Variants in DDX51 observed in about 807,000 individuals in gnomAD.
The protein encoded by DDX51 is ATP-dependent RNA helicase DDX51.
DDX51 carries 67 observed loss-of-function variants against 74.6 expected under a neutral mutation model. The ratio of observed to expected loss-of-function variants is 0.90; its 90% CI spans 0.74 to 1.10. The LOEUF (loss-of-function observed/expected upper bound fraction) is 1.10, where lower values mean the gene tolerates loss of function less well. Ranked by LOEUF, DDX51 falls within the 50% of genes least tolerant of loss-of-function variation. DDX51 has a pLI of 0.00. For missense variants in DDX51, 1,056 were observed against 905.2 expected (o/e 1.17, Z -2.14); for synonymous variants, 545 against 402.9 (o/e 1.35, Z -4.22).
chr12:132,140,049 G>A lies in DDX51; in HGVS notation c.1775+49C>T, dbSNP rs1265133716. 16 of 1,606,456 alleles carry A rather than the reference G, an allele frequency of 1.0e-5. No homozygotes were observed. The East Asian group carries it at 3.6e-4, about 36-fold the overall frequency. On this transcript the variant is annotated intron_variant, in intron 12 of 14. Coordinates refer to ENST00000397333, the MANE Select transcript of DDX51 (RefSeq NM_175066.4). ...AAGACGGTCCCACATCAACGCCCAG[G>A]AGCTCACAAAGCCCCAGACCCCCCA...
chr12:132,140,761 TGGA>T, intron 9 of DDX51, 26 bp from the exon 10 acceptor site: 1 of 1,612,456 alleles, frequency 6.2e-7, no homozygotes, highest in Non-Finnish European at 8.5e-7. Flanking sequence ...GGGGTCGGGG[TGGA>T]GGTGAGGGTT....
chr12:132,143,251 G>C (rs992052801), intron 2 of DDX51: 6 of 401,954 alleles, frequency 1.5e-5, no homozygotes, highest in African/African-American at 1.2e-4. Context: ...AACTCAAAGA[G>C]AACCTCCTCC....
intron 3 of DDX51, 58 bp downstream of exon 3, chr12:132,142,670 C>T: frequency 2.5e-6 from 4 of 1,597,906 alleles, no homozygotes; most frequent in Non-Finnish European, 3.4e-6. Context: ...CACTCACAGC[C>T]TTGTGTGTGG....
At position 132,141,962 on chromosome 12, in the gene DDX51, G is replaced by A. The variant is rs760863787; in HGVS notation, c.889-6C>T. ...ATGTTGAAAACTTTGCTCACCTGCAGGAGAAGTCTGTCACTGGCCTGGAGG... is the reference window on the plus strand; with the variant it reads ...ATGTTGAAAACTTTGCTCACCTGCAAGAGAAGTCTGTCACTGGCCTGGAGG... On this transcript the variant is annotated splice_region_variant and splice_polypyrimidine_tract_variant and intron_variant, in intron 5 of 14. Transcript: ENST00000397333. 6 of 1,612,446 alleles carry A rather than the reference G, an allele frequency of 3.7e-6. 1 individual carries two copies. The Admixed American group carries it at 5.0e-5, about 13-fold the overall frequency.
chr12:132,143,568 G>C, intron 2 of DDX51, 127 bp downstream of exon 2: 1 of 1,267,242 alleles, frequency 7.9e-7, no homozygotes, highest in Non-Finnish European at 1.1e-6. Context: ...CTGCAGACCT[G>C]GCAGCGAGGC....
In DDX51 at chr12:132,140,851, C is replaced by G; in HGVS notation, c.1420G>C (p.Ala474Pro). 3.7e-6 allele frequency: 6 copies of G among 1,613,648 alleles called. No individual in the cohort carries two copies. Among genetic ancestry groups the G allele is most frequent in the Non-Finnish European group, 5.1e-6 (6 of 1,180,000 alleles). Residue 474 changes from alanine to proline, a missense_variant, in exon 9 of 15, where the codon GCC becomes CCC. By Grantham distance (27) the Ala-to-Pro change is conservative (BLOSUM62 -1). Transcript: ENST00000397333. ...CTCACCGTGAGCCCAACAGGAAAGGCATACTTCCCCGAATCCCCGTCCCCA... is the reference window on the plus strand; with the variant it reads ...CTCACCGTGAGCCCAACAGGAAAGGGATACTTCCCCGAATCCCCGTCCCCA... ...TDGDGDSGKY[A>P]FPVGLTHHYV...
Position 132,137,582 on chromosome 12 carries a change from A to G in DDX51, c.*1690T>C, listed in dbSNP as rs1897298935. ...TCAGCTGCCAGTCCCCATCCCAGAC[A>G]TTCTTTGCATCTAAGCTGAGGTCTG... is the stretch of plus-strand genomic sequence containing the variant. On this transcript the variant is annotated 3_prime_UTR_variant, in exon 15 of 15. Coordinates refer to ENST00000397333, the MANE Select transcript of DDX51 (RefSeq NM_175066.4). 2 of 152,178 alleles carry G rather than the reference A, an allele frequency of 1.3e-5. No individual in the cohort carries two copies. The highest frequency in any genetic ancestry group is 6.5e-5 in the Admixed American group (1 of 15,278). The allele number at this position is 152,178 out of a possible 1,614,324, so 9.4% of individuals were successfully genotyped here. A position where few individuals can be genotyped will look rare whatever the true frequency, so the allele number is the denominator to read the frequency against.
chr12:132,140,875 C>T lies in DDX51; in HGVS notation c.1396G>A (p.Gly466Arg). ...LAHRGLEDTDGDGDSGKYAFP... is the reference protein window; with the variant it reads ...LAHRGLEDTDRDGDSGKYAFP... ...GCATACTTCCCCGAATCCCCGTCCC[C>T]ATCTGTATCTTCCAGGCCCCTGTGT... The change falls in exon 9 of 15, where the codon GGG (glycine) becomes AGG (arginine). Residue 466 changes from glycine to arginine, a missense_variant. Gly to Arg is a moderately radical substitution (Grantham distance 125). Transcript: ENST00000397333. The T allele has an allele frequency of 6.2e-7, 1 of 1,613,618 alleles. No individual in the cohort carries two copies. Among genetic ancestry groups the T allele is most frequent in the Non-Finnish European group, 8.5e-7 (1 of 1,179,978 alleles).
At position 132,144,287 on chromosome 12, in the gene DDX51, A is replaced by G; in HGVS notation, c.10T>C (p.Phe4Leu). 2 of 1,325,026 alleles carry G rather than the reference A, an allele frequency of 1.5e-6. No individual in the cohort carries two copies. The highest frequency in any genetic ancestry group is 1.9e-6 in the Non-Finnish European group (2 of 1,040,908). The allele number at this position is 1,325,026 out of a possible 1,614,324, so 82.1% of individuals were successfully genotyped here. MAL[F>L]YVARYPGPDA... The stretch of plus-strand genomic sequence containing the variant: ...GGGCCCGGGTACCGCGCGACGTAGA[A>G]CAGCGCCATGGCCAGCCGCACGCCT... The change falls in exon 1 of 15, where the codon TTC (phenylalanine) becomes CTC (leucine). Residue 4 changes from phenylalanine (F) to leucine (L), a missense_variant. Transcript: ENST00000397333.
At chr12:132,139,547 T>C (rs1286395625) in intron 14 of DDX51, 88 bp downstream of exon 14, 24 of 1,609,930 alleles carry the variant, frequency 1.5e-5, no homozygotes, top group Non-Finnish European at 2.0e-5. Context: ...CTTTCCTCTT[T>C]TTCCCTCTTT....
At chr12:132,141,145 A>C (rs999422379) in intron 8 of DDX51, 125 bp from the exon 9 acceptor site, 23 of 1,492,098 alleles carry the variant, frequency 1.5e-5, no homozygotes, top group Non-Finnish European at 2.1e-5. Flanking sequence ...GGTCCAGCTC[A>C]CGTGACAGTA....
intron 5 of DDX51, 74 bp downstream of exon 5, chr12:132,142,045 G>C: frequency 6.9e-6 from 11 of 1,599,958 alleles, no homozygotes; most frequent in Non-Finnish European, 6.8e-6. Flanking sequence ...GGGTCCCCCA[G>C]GGGCTGATCG....
intron 2 of DDX51, chr12:132,143,202 A>C (rs2136680026): frequency 2.4e-6 from 1 of 421,728 alleles, no homozygotes; most frequent in Non-Finnish European, 4.4e-6. Flanking sequence ...TGGCACCCCC[A>C]ACCCCCAACC....
chr12:132,142,805 G>A lies in DDX51; in HGVS notation c.593C>T (p.Pro198Leu), dbSNP rs774424783. The A allele has an allele frequency of 1.7e-5, 27 of 1,612,992 alleles. No individual in the cohort carries two copies. The highest frequency in any genetic ancestry group is 1.1e-4 in the East Asian group (5 of 44,888). ...ATGGACGTCAGGGATGTCCTCGATA[G>A]GAACCAGGTCTTCGGTGACATTCCT... Reference protein sequence around the residue: ...VRRNVTEDLVPIEDIPDVHPD... With the variant: ...VRRNVTEDLVLIEDIPDVHPD... Residue 198 changes from proline to leucine, a missense_variant, in exon 3 of 15, where the codon CCT (proline) becomes CTT (leucine). Physicochemically the swap from Pro to Leu is moderately conservative, Grantham distance 98. Transcript: ENST00000397333.
chr12:132,143,982 C>G lies in DDX51; in HGVS notation c.304+11G>C. On this transcript the variant is annotated intron_variant, in intron 1 of 14. Transcript: ENST00000397333. ...GCGCCCCAGAGGGAGCCCGCTCGCC[C>G]CGCGGCCCACCTGCGCCCGCGTCCT... 1.4e-6 allele frequency: 2 copies of G among 1,411,618 alleles called. No homozygotes were observed. Among genetic ancestry groups the G allele is most frequent in the Non-Finnish European group, 1.8e-6 (2 of 1,090,158 alleles). The allele number at this position is 1,411,618 out of a possible 1,614,324, so 87.4% of individuals were successfully genotyped here. A position where few individuals can be genotyped will look rare whatever the true frequency, so the allele number is the denominator to read the frequency against.
Position 132,141,005 on chromosome 12 carries a change from C to G in DDX51, c.1266G>C (p.Gln422His), listed in dbSNP as rs1014763447. The stretch of plus-strand genomic sequence containing the variant: ...AGAAGAGCAGCTTCTGCAGGGGCAT[C>G]TGGGGACAGCAGGTGCTGGAAGAGA... ...AVTAASTCCP[Q>H]MPLQKLLFSA... is the part of the protein sequence containing the mutation. Residue 422 changes from glutamine to histidine, a missense_variant, in exon 9 of 15, where the codon CAG becomes CAC. Coordinates refer to ENST00000397333, the MANE Select transcript of DDX51 (RefSeq NM_175066.4). 1.3e-6 allele frequency: 2 copies of G among 1,596,428 alleles called. No homozygotes were observed. Among genetic ancestry groups the G allele is most frequent in the Non-Finnish European group, 1.7e-6 (2 of 1,173,822 alleles).
In DDX51 at chr12:132,142,260, G is replaced by A. The variant is rs753912116; in HGVS notation, c.816+17C>T. On this transcript the variant is annotated intron_variant, in intron 4 of 14. Coordinates refer to ENST00000397333, the MANE Select transcript of DDX51 (RefSeq NM_175066.4). Reference sequence around the variant, plus strand: ...CTCTGCACACCCGCTGTAGAGAAAGGGGACCCTCACACAGACCTGCACCAC... The same window carrying A: ...CTCTGCACACCCGCTGTAGAGAAAGAGGACCCTCACACAGACCTGCACCAC... 36 of 1,611,626 alleles carry A rather than the reference G, an allele frequency of 2.2e-5. No individual in the cohort carries two copies. The highest frequency in any genetic ancestry group is 2.2e-4 in the East Asian group (10 of 44,860).
intron 2 of DDX51, chr12:132,143,465 G>A (rs1897559894): frequency 6.5e-6 from 4 of 613,988 alleles, no homozygotes; most frequent in Admixed American, 3.3e-5. Context: ...ACATCTTGCA[G>A]AACTGGCGCG....
Position 132,144,188 on chromosome 12 carries a change from G to A in DDX51, c.109C>T (p.Arg37Trp). Residue 37 changes from arginine (R) to tryptophan (W), a missense_variant, in exon 1 of 15, where the codon CGG becomes TGG. Physicochemically the swap from Arg to Trp is moderately radical, Grantham distance 101. Transcript: ENST00000397333. The stretch of plus-strand genomic sequence containing the variant: ...CGTTCGCGGGCCCGGCTCTGCAGCC[G>A]CTCGAGCAGCGCGCGGGCCCTGCCG... ...AHGRARALLE[R>W]LQSRARERQQ... is the part of the protein sequence containing the mutation. The A allele has an allele frequency of 5.9e-6, 7 of 1,178,694 alleles. No homozygotes were observed. Among genetic ancestry groups the A allele is most frequent in the South Asian group, 8.3e-5 (2 of 23,962 alleles). 73.0% of individuals were successfully genotyped at this position (1,178,694 alleles called of 1,614,324 possible). A position where few individuals can be genotyped will look rare whatever the true frequency, so the allele number is the denominator to read the frequency against.
Sources: gnomAD v4.1 joint callset for allele counts on GRCh38, gnomAD v4.1.1 for gene constraint, MANE v1.5 for transcripts, NCBI Gene and HGNC (gene_info 2026-07-23, HGNC 2026-07-21) for gene names.